DDX24: variants seen among roughly 807,000 people sequenced by gnomAD.
DDX24 encodes DEAD-box helicase 24.
A neutral mutation model predicts 68.9 loss-of-function variants in DDX24; 24 were observed. The observed-to-expected ratio is 0.35, with a 90% confidence interval of 0.25 to 0.49. The LOEUF (loss-of-function observed/expected upper bound fraction) is 0.49. Among genes scored for constraint, DDX24 ranks in the 20% least tolerant of loss-of-function variants. The pLI is 0.99. For synonymous variants in DDX24, 395 were observed against 385.2 expected (o/e 1.03, Z -0.30); for missense variants, 989 against 1,039.0 (o/e 0.95, Z 0.66).
At chr14:94,053,564 T>C (rs1320682632) in intron 7 of DDX24, among the ~76,000 whole-genome samples, 1 of 151,348 alleles carries the variant, frequency 6.6e-6, no homozygotes, top group African/African-American at 2.4e-5. Context: ...CCTGTAATCC[T>C]AGCACTCTGG....
At chr14:94,068,923 A>G (rs984568893) in intron 2 of DDX24, among the ~76,000 whole-genome samples, 26 of 151,750 alleles carry the variant, frequency 1.7e-4, no homozygotes, top group Admixed American at 9.2e-4. Context: ...AAAGAGCACA[A>G]ACAGACAATC....
chr14:94,070,221 G>A (rs552604985), intron 2 of DDX24, among the ~76,000 whole-genome samples: 2 of 151,392 alleles, frequency 1.3e-5, no homozygotes, highest in Non-Finnish European at 2.9e-5. Context: ...CACCAACAGC[G>A]ACCAAGTGGA....
chr14:94,060,067 G>GTTAA (rs1251902832), intron 5 of DDX24, 31 bp downstream of exon 5: 1 of 1,578,576 alleles, frequency 6.3e-7, no homozygotes, highest in African/African-American at 1.4e-5. Flanking sequence ...ACTAACTAGA[G>GTTAA]GTTAAGCCTC....
intron 8 of DDX24, chr14:94,051,683 C>A (rs966778828): frequency 2.2e-6 from 1 of 446,060 alleles, no homozygotes; most frequent in Non-Finnish European, 3.8e-6. Flanking sequence ...TTTTTTACTC[C>A]ATAAAAATCC....
At chr14:94,058,394 T>A (rs762035462) in intron 5 of DDX24, among the ~76,000 whole-genome samples, 39 of 152,174 alleles carry the variant, frequency 2.6e-4, no homozygotes, top group Non-Finnish European at 5.4e-4. Flanking sequence ...TCTGCTCAAT[T>A]CTCACTTCAT....
intron 2 of DDX24, among the ~76,000 whole-genome samples, chr14:94,064,760 G>T (rs760957075): frequency 1.3e-5 from 2 of 152,208 alleles, no homozygotes; most frequent in Non-Finnish European, 2.9e-5. Context: ...GTGTTTCCCT[G>T]AATTCTGTCA....
At chr14:94,078,404 C>T (rs566034830) in intron 2 of DDX24, among the ~76,000 whole-genome samples, 1 of 152,324 alleles carries the variant, frequency 6.6e-6, no homozygotes, top group African/African-American at 2.4e-5. Context: ...CAAAGTCAAC[C>T]TGTCATTGCT....
At chr14:94,071,717 G>A (rs1426082658) in intron 2 of DDX24, among the ~76,000 whole-genome samples, 1 of 152,106 alleles carries the variant, frequency 6.6e-6, no homozygotes, top group Non-Finnish European at 1.5e-5. Context: ...AGGCCGAGAT[G>A]GGCGGATCAC....
intron 2 of DDX24, among the ~76,000 whole-genome samples, chr14:94,066,205 A>C (rs1023098005): frequency 5.9e-5 from 9 of 152,088 alleles, no homozygotes; most frequent in African/African-American, 2.2e-4. Flanking sequence ...GAGCTGGGTG[A>C]GGCCCATGAC....
chr14:94,062,255 T>C lies in DDX24; in HGVS notation c.1085A>G (p.Asp362Gly). 1.2e-6 allele frequency: 2 copies of C among 1,614,148 alleles called. No homozygotes were observed. Among genetic ancestry groups the C allele is most frequent in the Non-Finnish European group, 1.7e-6 (2 of 1,180,026 alleles). ...KQNENEEENL[D>G]KEQTGNLKQE... Reference sequence around the variant, plus strand: ...TTTTAGATTTCCAGTCTGCTCTTTATCAAGATTTTCCTCCTCATTCTCATT... The same window carrying C: ...TTTTAGATTTCCAGTCTGCTCTTTACCAAGATTTTCCTCCTCATTCTCATT... Residue 362 changes from aspartate (D) to glycine (G), a missense_variant, in exon 3 of 9, where the codon GAT becomes GGT. Asp to Gly is a moderately conservative substitution (Grantham distance 94). Around this residue, in one of 3 missense-constraint regions of DDX24, gnomAD observed 691 missense variants for 760.0 expected, o/e 0.91. Coordinates refer to ENST00000621632, the MANE Select transcript of DDX24 (RefSeq NM_020414.4).
intron 2 of DDX24, among the ~76,000 whole-genome samples, chr14:94,074,444 ATTGG>A (rs1198666212): frequency 6.6e-6 from 1 of 152,236 alleles, no homozygotes; most frequent in Non-Finnish European, 1.5e-5. Context: ...CATTCACCAC[ATTGG>A]CAGACTAAAA....
chr14:94,056,239 A>G lies in DDX24; in HGVS notation c.1990-1055T>C, dbSNP rs1194051859. On this transcript the variant is annotated intron_variant, in intron 6 of 8. Coordinates refer to ENST00000621632, the MANE Select transcript of DDX24 (RefSeq NM_020414.4). ...TCCTGTTTCCTGGCAAAGGAATCTCAAAAGTAATGTCTTTTTGTATACTAA... is the reference window on the plus strand; with the variant it reads ...TCCTGTTTCCTGGCAAAGGAATCTCGAAAGTAATGTCTTTTTGTATACTAA... 3 of 152,254 alleles carry G rather than the reference A, an allele frequency of 2.0e-5. No homozygotes were observed. In the East Asian group the frequency reaches 5.8e-4, roughly 29 times the overall value. 9.4% of individuals were successfully genotyped at this position (152,254 alleles called of 1,614,324 possible). A position where few individuals can be genotyped will look rare whatever the true frequency, so the allele number is the denominator to read the frequency against.
chr14:94,071,797 T>C (rs758513707), intron 2 of DDX24, among the ~76,000 whole-genome samples: 7 of 151,316 alleles, frequency 4.6e-5, no homozygotes, highest in Non-Finnish European at 8.8e-5. Context: ...AATACAAAAT[T>C]AGCTGGGTAT....
chr14:94,067,668 G>C (rs1304564138), intron 2 of DDX24, among the ~76,000 whole-genome samples: 1 of 152,180 alleles, frequency 6.6e-6, no homozygotes, highest in Non-Finnish European at 1.5e-5. Context: ...AGAAGGGACT[G>C]GGGCCCTATC....
intron 2 of DDX24, among the ~76,000 whole-genome samples, chr14:94,074,596 C>A (rs759363971): frequency 6.6e-6 from 1 of 152,174 alleles, no homozygotes; most frequent in Non-Finnish European, 1.5e-5. Flanking sequence ...CTACAAAAAA[C>A]CTACAGCTAA....
intron 1 of DDX24, 59 bp from the exon 2 acceptor site, chr14:94,079,806 T>C: frequency 1.3e-6 from 2 of 1,486,228 alleles, no homozygotes; most frequent in Non-Finnish European, 1.8e-6. Context: ...GGTTCTGATG[T>C]AACAAATATT....
intron 6 of DDX24, 67 bp downstream of exon 6, chr14:94,057,755 C>A: frequency 6.6e-7 from 1 of 1,507,598 alleles, no homozygotes. Flanking sequence ...CTCCCTCCCC[C>A]AACCTTTGCC....
At chr14:94,078,691 G>A (rs539567772) in intron 2 of DDX24, among the ~76,000 whole-genome samples, 73 of 152,320 alleles carry the variant, frequency 4.8e-4, no homozygotes, top group African/African-American at 1.6e-3. Flanking sequence ...AAGAACAGCA[G>A]AAACTACGAT....
rs1885325491 is a variant in DDX24 at position 94,048,601 on chromosome 14, T to TA, written c.*2589dup. On this transcript the variant is annotated 3_prime_UTR_variant, in exon 9 of 9. Coordinates refer to ENST00000621632, the MANE Select transcript of DDX24 (RefSeq NM_020414.4). ...AGATTCCTTGTGTGAAAATAGCTAT[T>TA]ATACCTGACACACTCATCGTATGGG... 3 of 152,218 alleles carry TA rather than the reference T, an allele frequency of 2.0e-5. No individual in the cohort carries two copies. Among genetic ancestry groups the TA allele is most frequent in the Admixed American group, 2.0e-4 (3 of 15,288 alleles). The allele number at this position is 152,218 out of a possible 1,614,324, so 9.4% of individuals were successfully genotyped here. A position where few individuals can be genotyped will look rare whatever the true frequency, so the allele number is the denominator to read the frequency against.
Sources: gnomAD v4.1 joint callset for allele counts (sites outside exome capture counted in the v4.1 genomes callset) on GRCh38, gnomAD v4.1.1 for gene constraint, gnomAD v4.1.1 regional missense constraint, MANE v1.5 for transcripts, NCBI Gene and HGNC (gene_info 2026-07-23, HGNC 2026-07-21) for gene names.